REPS1: variants seen among roughly 807,000 people sequenced by gnomAD.
REPS1 encodes the protein RALBP1 associated Eps domain containing 1, also known as ralBP1-associated Eps domain-containing protein 1.
A neutral mutation model predicts 100.9 loss-of-function variants in REPS1; 39 were observed. The ratio of observed to expected loss-of-function variants is 0.39; its 90% CI spans 0.30 to 0.50. REPS1 has a LOEUF of 0.50. Ranked by LOEUF, REPS1 falls within the 20% of genes least tolerant of loss-of-function variation. REPS1 has a pLI of 0.86. For missense variants in REPS1, 821 were observed against 968.5 expected (o/e 0.85, Z 2.02); for synonymous variants, 324 against 340.3 (o/e 0.95, Z 0.53).
At chr6:138,949,923 T>C (rs2128481652) in intron 1 of REPS1, among the ~76,000 whole-genome samples, 1 of 152,252 alleles carries the variant, frequency 6.6e-6, no homozygotes, top group African/African-American at 2.4e-5. Flanking sequence ...AACCAGATCA[T>C]ATTGCACATG....
At chr6:138,984,580 T>C (rs1785150034) in intron 1 of REPS1, among the ~76,000 whole-genome samples, 1 of 151,206 alleles carries the variant, frequency 6.6e-6, no homozygotes, top group African/African-American at 2.5e-5. Flanking sequence ...ACAATCAAAA[T>C]GTCTCTAGAC....
chr6:138,930,075 C>A lies in REPS1; in HGVS notation c.1159G>T (p.Val387Leu). 6.2e-7 allele frequency: 1 copy of A among 1,613,162 alleles called. No individual in the cohort carries two copies. The highest frequency in any genetic ancestry group is 8.5e-7 in the Non-Finnish European group (1 of 1,179,284). The change falls in exon 9 of 20, where the codon GTA (valine) becomes TTA (leucine). Residue 387 changes from valine to leucine, a missense_variant. Physicochemically the swap from Val to Leu is conservative, Grantham distance 32. This residue lies in a region of REPS1 where 757 missense variants were observed against 866.4 expected (regional missense o/e 0.87). Coordinates refer to ENST00000450536, the MANE Select transcript of REPS1 (RefSeq NM_001286611.2). ...TCAGCAGGAGAGCCTGAATAACCTA[C>A]CTCACCTGGCTGATCCCCAACATCT... Reference protein sequence around the residue: ...SADVGDQPGEVGYSGSPAEAP... With the variant: ...SADVGDQPGELGYSGSPAEAP...
chr6:138,959,540 A>G (rs1783607640), intron 1 of REPS1, among the ~76,000 whole-genome samples: 1 of 152,222 alleles, frequency 6.6e-6, no homozygotes, highest in South Asian at 2.1e-4. Flanking sequence ...TGAGAAGTTT[A>G]TTCTACCGCT....
intron 1 of REPS1, among the ~76,000 whole-genome samples, chr6:138,971,489 G>A (rs1055272118): frequency 2.6e-5 from 4 of 151,886 alleles, no homozygotes; most frequent in East Asian, 1.9e-4. Context: ...AAAAGTATAC[G>A]CTATAGTGCC....
At chr6:138,943,424 G>T in intron 7 of REPS1, 89 bp downstream of exon 7, 1 of 741,884 alleles carries the variant, frequency 1.3e-6, no homozygotes, top group Non-Finnish European at 2.3e-6. Flanking sequence ...GAAGGGGTTA[G>T]TTGTTTATTT....
At chr6:138,928,508 T>C (rs1781283379) in intron 9 of REPS1, 2 of 152,166 alleles carry the variant, frequency 1.3e-5, no homozygotes, top group African/African-American at 4.8e-5. Flanking sequence ...AAAAAAATTA[T>C]GACATTCATG....
chr6:138,916,233 T>C (rs1228437471), intron 13 of REPS1: 3 of 321,610 alleles, frequency 9.3e-6, no homozygotes, highest in Admixed American at 5.5e-5. Context: ...TTTTTTTTTT[T>C]TTTTTTTGAG....
chr6:138,920,598 T>C (rs1181933301), intron 11 of REPS1, among the ~76,000 whole-genome samples: 2 of 152,224 alleles, frequency 1.3e-5, no homozygotes, highest in Non-Finnish European at 2.9e-5. Flanking sequence ...ATATGTAAAC[T>C]GTAAAGTAAG....
In REPS1 at chr6:138,987,638, T is replaced by C. The variant is rs750728281; in HGVS notation, c.45A>G (p.Ser15=). ...TLSDAEQKYY[S]DLFSYCDIES... is the part of the protein sequence containing the mutation. Reference sequence around the variant, plus strand: ...CAATGTCGCAGTAGGAGAAGAGATCTGAATAGTATTTCTGCTCCGCATCGC... The same window carrying C: ...CAATGTCGCAGTAGGAGAAGAGATCCGAATAGTATTTCTGCTCCGCATCGC... The change falls in exon 1 of 20, where the codon TCA becomes TCG. Residue 15 remains serine (S), a synonymous_variant. Coordinates refer to ENST00000450536, the MANE Select transcript of REPS1 (RefSeq NM_001286611.2). 2 of 1,550,420 alleles carry C rather than the reference T, an allele frequency of 1.3e-6. No homozygotes were observed. Among genetic ancestry groups the C allele is most frequent in the South Asian group, 2.4e-5 (2 of 84,018 alleles).
intron 1 of REPS1, among the ~76,000 whole-genome samples, chr6:138,953,954 C>T (rs1464675141): frequency 2.0e-5 from 3 of 152,034 alleles, no homozygotes; most frequent in Admixed American, 1.3e-4. Flanking sequence ...TGTCCAACAA[C>T]AGATGGGTGG....
intron 1 of REPS1, among the ~76,000 whole-genome samples, chr6:138,986,918 G>A (rs1471205998): frequency 6.6e-6 from 1 of 152,142 alleles, no homozygotes. Context: ...AAATGCTTTC[G>A]AATGCCTGTT....
chr6:138,941,245 A>C, intron 8 of REPS1, 90 bp downstream of exon 8: 1 of 1,330,828 alleles, frequency 7.5e-7, no homozygotes, highest in Non-Finnish European at 1.1e-6. Flanking sequence ...CTATTAAGCT[A>C]AGGTTAACCT....
At chr6:138,937,192 CA>C (rs1250608404) in intron 8 of REPS1, among the ~76,000 whole-genome samples, 1 of 152,038 alleles carries the variant, frequency 6.6e-6, no homozygotes, top group Admixed American at 6.5e-5. Context: ...CCCCATGATT[CA>C]ATTACCTCCC....
intron 6 of REPS1, 120 bp downstream of exon 6, chr6:138,943,733 C>T: frequency 9.4e-7 from 1 of 1,061,032 alleles, no homozygotes; most frequent in Non-Finnish European, 1.3e-6. Context: ...TCTTTTTAGA[C>T]AAATAATCTG....
At chr6:138,950,913 G>C (rs774095807) in intron 1 of REPS1, 2 of 152,084 alleles carry the variant, frequency 1.3e-5, no homozygotes, top group Non-Finnish European at 1.5e-5. Context: ...TCTTAAGGCC[G>C]GGCGCGGCAG....
chr6:138,915,951 T>C lies in REPS1; in HGVS notation c.1627A>G (p.Asn543Asp). The C allele has an allele frequency of 6.2e-7, 1 of 1,613,964 alleles. No homozygotes were observed. The highest frequency in any genetic ancestry group is 8.5e-7 in the Non-Finnish European group (1 of 1,179,866). ...QRSHSGTSPDNTAPPPPPPRP... is the reference protein window; with the variant it reads ...QRSHSGTSPDDTAPPPPPPRP... ...GGAGGGGGAGGTGGTGGTGCAGTGTTATCAGGCGACGTTCCTGAATGAGAC... is the reference window on the plus strand; with the variant it reads ...GGAGGGGGAGGTGGTGGTGCAGTGTCATCAGGCGACGTTCCTGAATGAGAC... The change falls in exon 14 of 20, where the codon AAC becomes GAC. Residue 543 changes from asparagine to aspartate, a missense_variant. Coordinates refer to ENST00000450536, the MANE Select transcript of REPS1 (RefSeq NM_001286611.2).
rs1782558288 is a variant in REPS1 at position 138,945,565 on chromosome 6, C to T, written c.410G>A (p.Gly137Glu). 6.2e-7 allele frequency: 1 copy of T among 1,612,688 alleles called. No homozygotes were observed. The highest frequency in any genetic ancestry group is 1.3e-5 in the African/African-American group (1 of 74,740). The change falls in exon 3 of 20, where the codon GGG becomes GAG. Residue 137 changes from glycine (G) to glutamate (E), a missense_variant. This residue lies in a region of REPS1 where 757 missense variants were observed against 866.4 expected (regional missense o/e 0.87). Transcript: ENST00000450536. ...GCTTACGGATCCCTTTTTCACTTGC[C>T]CCCTGCCAGGTGGTGGGGGAATTAC... ...SGVIPPPPGR[G>E]QVKKGSVSHD...
intron 19 of REPS1, among the ~76,000 whole-genome samples, chr6:138,907,218 C>T (rs1779708685): frequency 6.6e-6 from 1 of 151,738 alleles, no homozygotes; most frequent in Admixed American, 6.6e-5. Flanking sequence ...CGCCTGTAAT[C>T]CCAGCTACTC....
chr6:138,964,454 G>T (rs1783906106), intron 1 of REPS1, among the ~76,000 whole-genome samples: 1 of 151,992 alleles, frequency 6.6e-6, no homozygotes, highest in Non-Finnish European at 1.5e-5. Context: ...CAGCTAAATA[G>T]TAACATTAGA....
Sources: allele counts gnomAD v4.1 joint callset (sites outside exome capture counted in the v4.1 genomes callset), GRCh38; gene constraint gnomAD v4.1.1; regional missense constraint gnomAD v4.1.1; transcripts MANE v1.5; gene names NCBI Gene and HGNC (gene_info 2026-07-23, HGNC 2026-07-21).